The following MAGI2 variants were observed in gnomAD, a reference collection of about 807,000 sequenced individuals.
The protein encoded by MAGI2 is membrane associated guanylate kinase, WW and PDZ domain containing 2, also known as membrane-associated guanylate kinase, WW and PDZ domain-containing protein 2.
In MAGI2, 35 loss-of-function variants were observed where a neutral mutation model predicts 133.3. The ratio of observed to expected loss-of-function variants is 0.26; its 90% CI spans 0.20 to 0.35. The LOEUF is 0.35. MAGI2 is among the 10% of genes least tolerant of loss of function. MAGI2 has a pLI of 1.00. For missense variants in MAGI2, 1,636 were observed against 1,863.4 expected (o/e 0.88, Z 2.25); for synonymous variants, 729 against 710.6 (o/e 1.03, Z -0.41).
intron 3 of MAGI2, among the ~76,000 whole-genome samples, chr7:78,547,527 G>A (rs532259388): frequency 3.3e-5 from 5 of 152,214 alleles, no homozygotes; most frequent in South Asian, 4.2e-4. Context: ...TCATTCATTC[G>A]TTCATTCAAT....
intron 1 of MAGI2, among the ~76,000 whole-genome samples, chr7:79,156,944 T>A (rs1379346691): frequency 6.6e-6 from 1 of 152,114 alleles, no homozygotes; most frequent in Non-Finnish European, 1.5e-5. Flanking sequence ...CCCAACTTAA[T>A]GCTTCTCTTC....
At chr7:79,343,357 C>T (rs1487355770) in intron 1 of MAGI2, 2 of 151,966 alleles carry the variant, frequency 1.3e-5, no homozygotes, top group Non-Finnish European at 2.9e-5. Context: ...AGTATATATG[C>T]TACTGAAGTG....
intron 20 of MAGI2, among the ~76,000 whole-genome samples, chr7:78,111,863 A>C (rs908236924): frequency 6.6e-6 from 1 of 152,232 alleles, no homozygotes; most frequent in Non-Finnish European, 1.5e-5. Flanking sequence ...CGCTGTATGC[A>C]GAGAAGAGCT....
intron 1 of MAGI2, among the ~76,000 whole-genome samples, chr7:79,158,394 G>T (rs918030620): frequency 6.6e-6 from 1 of 152,090 alleles, no homozygotes; most frequent in East Asian, 1.9e-4. Flanking sequence ...CTTTTTCCAA[G>T]TTCACGTGAC....
intron 6 of MAGI2, among the ~76,000 whole-genome samples, chr7:78,438,464 G>A (rs530902081): frequency 1.3e-5 from 2 of 152,240 alleles, no homozygotes; most frequent in South Asian, 4.1e-4. Flanking sequence ...ATGTCTGCAA[G>A]GACATTTCAC....
At chr7:79,020,487 T>A (rs34403227) in intron 1 of MAGI2, among the ~76,000 whole-genome samples, 3,323 of 152,094 alleles carry the variant, frequency 0.022, 56 homozygotes, top group Non-Finnish European at 0.033. Context: ...GAGGAACTGG[T>A]CAGGCGCGGT....
chr7:78,701,933 A>AATATGATG (rs1000401559), intron 2 of MAGI2, among the ~76,000 whole-genome samples: 1 of 151,918 alleles, frequency 6.6e-6, no homozygotes, highest in African/African-American at 2.4e-5. Flanking sequence ...TCTTCAGGAG[A>AATATGATG]ATATGATGCA....
At chr7:79,293,533 A>T (rs1458756175) in intron 1 of MAGI2, among the ~76,000 whole-genome samples, 1 of 152,248 alleles carries the variant, frequency 6.6e-6, no homozygotes. Context: ...AATAATAGTG[A>T]TAAGTATAAC....
At chr7:78,145,377 T>G (rs1823197449) in intron 16 of MAGI2, among the ~76,000 whole-genome samples, 1 of 152,146 alleles carries the variant, frequency 6.6e-6, no homozygotes, top group Non-Finnish European at 1.5e-5. Context: ...TTTGGTATGG[T>G]TCTTTGTCAG....
At chr7:78,293,683 C>G (rs1183799522) in intron 9 of MAGI2, among the ~76,000 whole-genome samples, 3 of 152,160 alleles carry the variant, frequency 2.0e-5, no homozygotes, top group East Asian at 1.9e-4. Context: ...TTGGAACCAA[C>G]CCAAATGTCC....
intron 1 of MAGI2, among the ~76,000 whole-genome samples, chr7:79,263,699 T>G (rs1834235020): frequency 6.6e-6 from 1 of 152,176 alleles, no homozygotes; most frequent in African/African-American, 2.4e-5. Flanking sequence ...ACAAATATAT[T>G]GAACTCTTGA....
intron 9 of MAGI2, among the ~76,000 whole-genome samples, chr7:78,259,894 C>A (rs1333140803): frequency 6.6e-6 from 1 of 152,124 alleles, no homozygotes; most frequent in East Asian, 1.9e-4. Context: ...TGTGATCTTG[C>A]TATTTAGAAA....
intron 6 of MAGI2, among the ~76,000 whole-genome samples, chr7:78,462,276 T>C (rs1375182036): frequency 2.6e-5 from 4 of 152,150 alleles, no homozygotes; most frequent in East Asian, 1.9e-4. Context: ...AAAACCAGTA[T>C]ACAAATTAAG....
intron 3 of MAGI2, among the ~76,000 whole-genome samples, chr7:78,558,304 T>C (rs942656729): frequency 6.6e-6 from 1 of 152,126 alleles, no homozygotes; most frequent in African/African-American, 2.4e-5. Context: ...GCTAAATCAG[T>C]GTGTGAGATC....
Position 79,252,404 on chromosome 7 carries a change from A to G in MAGI2, c.301+200616T>C, listed in dbSNP as rs748580993. Among the ~76,000 whole-genome samples, 5 of 152,190 alleles carry G rather than the reference A, an allele frequency of 3.3e-5. No individual in the cohort carries two copies. In the South Asian group the frequency reaches 1.0e-3, roughly 32 times the overall value. On this transcript the variant is annotated intron_variant, in intron 1 of 21. Transcript: ENST00000354212. ...GCTAAAAATTAAAACAATTGAACTC[A>G]CGGAGATAGACAGTGGAATGATGGT...
chr7:78,844,734 G>T (rs1792444255), intron 2 of MAGI2, among the ~76,000 whole-genome samples: 1 of 151,682 alleles, frequency 6.6e-6, no homozygotes, highest in Non-Finnish European at 1.5e-5. Flanking sequence ...GAAACTGATG[G>T]TAGTTATACA....
chr7:79,401,640 A>T lies in MAGI2; in HGVS notation c.301+51380T>A, dbSNP rs139994193. On this transcript the variant is annotated intron_variant, in intron 1 of 21. Coordinates refer to ENST00000354212, the MANE Select transcript of MAGI2 (RefSeq NM_012301.4). ...TAATGACATATCCAAAATAACAGTA[A>T]TTAAAAAAATGAATGATTACTATAT... Among the ~76,000 whole-genome samples, 1,337 of 152,304 alleles carry T rather than the reference A, an allele frequency of 8.8e-3. 13 individuals are homozygous for T. The highest frequency in any genetic ancestry group is 0.031 in the African/African-American group (1,282 of 41,570).
rs576022391 is a variant in MAGI2, at chr7:78,223,867, A to G, written c.2048-22674T>C. On this transcript the variant is annotated intron_variant, in intron 10 of 21. Coordinates refer to ENST00000354212, the MANE Select transcript of MAGI2 (RefSeq NM_012301.4). ...AAATATCACTATTATATTCATCATC[A>G]TTATTGTCTATTTTTATTAAAGCCA... 3.0e-4 allele frequency among the ~76,000 whole-genome samples: 45 copies of G among 152,312 alleles called. 1 individual carries two copies. In the South Asian group the frequency reaches 9.1e-3, roughly 31 times the overall value.
chr7:78,798,900 G>T (rs991171626), intron 2 of MAGI2, among the ~76,000 whole-genome samples: 1 of 152,232 alleles, frequency 6.6e-6, no homozygotes, highest in East Asian at 1.9e-4. Flanking sequence ...AATTCCAAAG[G>T]CCTTTGCCAA....
Sources: gnomAD v4.1 joint callset for allele counts (sites outside exome capture counted in the v4.1 genomes callset) on GRCh38, gnomAD v4.1.1 for gene constraint, MANE v1.5 for transcripts, NCBI Gene and HGNC (gene_info 2026-07-23, HGNC 2026-07-21) for gene names.